RALGPS1: variants seen among roughly 807,000 people sequenced by gnomAD.
RALGPS1 encodes the protein Ral GEF with PH domain and SH3 binding motif 1, also known as ras-specific guanine nucleotide-releasing factor RalGPS1.
A neutral mutation model predicts 78.8 loss-of-function variants in RALGPS1; 19 were observed. The observed-to-expected ratio is 0.24, with a 90% CI of 0.17 to 0.35. The LOEUF is 0.35. Among genes scored for constraint, RALGPS1 ranks in the 10% least tolerant of loss-of-function variants. RALGPS1 has a pLI of 1.00. For missense variants in RALGPS1, 454 were observed against 688.3 expected, an observed-to-expected ratio of 0.66 and a Z score of 3.81; for synonymous variants, 228 against 256.3, an observed-to-expected ratio of 0.89 and a Z score of 1.06.
chr9:127,202,551 T>G (rs547350916), intron 14 of RALGPS1, among the ~76,000 whole-genome samples: 2 of 152,284 alleles, frequency 1.3e-5, no homozygotes, highest in Admixed American at 1.3e-4. Flanking sequence ...CTTCTGCTCT[T>G]CATCCTCCTG....
At chr9:127,049,492 T>A (rs909637493) in intron 5 of RALGPS1, among the ~76,000 whole-genome samples, 4 of 152,214 alleles carry the variant, frequency 2.6e-5, no homozygotes, top group African/African-American at 9.6e-5. Context: ...AAAGAGATAC[T>A]TCCATATCAT....
At chr9:126,987,772 C>T (rs1345249788) in intron 4 of RALGPS1, among the ~76,000 whole-genome samples, 3 of 152,166 alleles carry the variant, frequency 2.0e-5, no homozygotes, top group Non-Finnish European at 2.9e-5. Context: ...ACTCATTCAT[C>T]AGTCTACTGT....
chr9:127,130,650 C>T (rs1346976331), intron 8 of RALGPS1, among the ~76,000 whole-genome samples: 1 of 152,236 alleles, frequency 6.6e-6, no homozygotes, highest in Non-Finnish European at 1.5e-5. Flanking sequence ...CATGTATTGA[C>T]ATCCAAAAAT....
At chr9:127,082,299 G>T (rs1435975044) in intron 8 of RALGPS1, among the ~76,000 whole-genome samples, 1 of 152,214 alleles carries the variant, frequency 6.6e-6, no homozygotes, top group Admixed American at 6.5e-5. Flanking sequence ...GCTGCAGCCT[G>T]GCAAAGGATT....
chr9:127,166,237 T>A (rs1588278852), intron 9 of RALGPS1, 31 bp downstream of exon 9: 1 of 1,608,096 alleles, frequency 6.2e-7, no homozygotes, highest in East Asian at 2.2e-5. Flanking sequence ...AATTGTGAAA[T>A]CTTACGTCAT....
At chr9:127,170,241 A>G (rs1408942372) in intron 10 of RALGPS1, among the ~76,000 whole-genome samples, 1 of 152,176 alleles carries the variant, frequency 6.6e-6, no homozygotes, top group Non-Finnish European at 1.5e-5. Flanking sequence ...GCAGTGTCCC[A>G]CCTGGTCAGC....
intron 8 of RALGPS1, among the ~76,000 whole-genome samples, chr9:127,085,919 A>G (rs2051674712): frequency 6.6e-6 from 1 of 152,202 alleles, no homozygotes; most frequent in African/African-American, 2.4e-5. Context: ...GATCCCAACA[A>G]CTGACTAGGG....
chr9:126,965,487 G>A (rs2039390036), intron 2 of RALGPS1, among the ~76,000 whole-genome samples: 1 of 152,190 alleles, frequency 6.6e-6, no homozygotes, highest in Admixed American at 6.5e-5. Flanking sequence ...GAAAGTTAGG[G>A]TGTGGCAACT....
At chr9:126,998,976 T>C (rs1182781700) in intron 4 of RALGPS1, among the ~76,000 whole-genome samples, 2 of 125,446 alleles carry the variant, frequency 1.6e-5, no homozygotes, top group Non-Finnish European at 3.1e-5. Context: ...AATGAGAACA[T>C]GTGGACACAG....
intron 9 of RALGPS1, 96 bp downstream of exon 9, chr9:127,166,302 A>G (rs539263542): frequency 2.2e-5 from 31 of 1,419,056 alleles, no homozygotes; most frequent in African/African-American, 1.4e-4. Flanking sequence ...AAGAACTACA[A>G]AGTTCCTCAT....
At chr9:127,180,339 G>A (rs1327423589) in intron 11 of RALGPS1, among the ~76,000 whole-genome samples, 1 of 152,166 alleles carries the variant, frequency 6.6e-6, no homozygotes, top group Non-Finnish European at 1.5e-5. Context: ...TTGGCCTCTG[G>A]TTTCTGTGCT....
At chr9:127,176,176 A>G (rs2059862877) in intron 11 of RALGPS1, among the ~76,000 whole-genome samples, 1 of 152,240 alleles carries the variant, frequency 6.6e-6, no homozygotes, top group Non-Finnish European at 1.5e-5. Flanking sequence ...CAGTCCTGGC[A>G]GAAGCTTGAT....
At chr9:127,072,815 G>A (rs1248854810) in intron 8 of RALGPS1, among the ~76,000 whole-genome samples, 1 of 152,174 alleles carries the variant, frequency 6.6e-6, no homozygotes, top group Admixed American at 6.5e-5. Flanking sequence ...AACAGTTGTA[G>A]ATTCATTGTG....
At chr9:127,064,667 G>A (rs912219551) in intron 7 of RALGPS1, among the ~76,000 whole-genome samples, 3 of 152,100 alleles carry the variant, frequency 2.0e-5, no homozygotes, top group Non-Finnish European at 4.4e-5. Flanking sequence ...TTCTTTGTAT[G>A]GTAGATGTTG....
intron 6 of RALGPS1, among the ~76,000 whole-genome samples, chr9:127,051,135 G>A (rs1192025333): frequency 1.3e-5 from 2 of 152,194 alleles, no homozygotes; most frequent in African/African-American, 2.4e-5. Flanking sequence ...AAGAGCAATG[G>A]CCACATTTAC....
intron 4 of RALGPS1, among the ~76,000 whole-genome samples, chr9:127,000,617 C>T (rs1267998905): frequency 4.6e-5 from 6 of 131,380 alleles, no homozygotes; most frequent in African/African-American, 1.2e-4. Flanking sequence ...GGTACTATCT[C>T]GGCTCACTGC....
In RALGPS1 at chr9:127,069,119, C is replaced by T. The variant is rs1325836018; in HGVS notation, c.484-111C>T. 3.7e-6 allele frequency: 4 copies of T among 1,079,128 alleles called. No homozygotes were observed. The Admixed American group carries it at 1.0e-4, about 27-fold the overall frequency. 66.8% of individuals were successfully genotyped at this position (1,079,128 alleles called of 1,614,324 possible). A position where few individuals can be genotyped will look rare whatever the true frequency, so the allele number is the denominator to read the frequency against. On this transcript the variant is annotated intron_variant, in intron 7 of 18. Transcript: ENST00000259351. Reference sequence around the variant, plus strand: ...ATCCTTAGTTCTGTCCAGGATTCGGCACACCATAGATATGTCACTTAGGAT... The same window carrying T: ...ATCCTTAGTTCTGTCCAGGATTCGGTACACCATAGATATGTCACTTAGGAT...
At chr9:127,113,378 A>G (rs1364400770) in intron 8 of RALGPS1, among the ~76,000 whole-genome samples, 3 of 151,488 alleles carry the variant, frequency 2.0e-5, no homozygotes, top group African/African-American at 7.3e-5. Flanking sequence ...TCCAACCCCA[A>G]TTCCTCCCCT....
intron 14 of RALGPS1, among the ~76,000 whole-genome samples, chr9:127,203,886 C>A (rs2061784440): frequency 6.6e-6 from 1 of 152,172 alleles, no homozygotes; most frequent in African/African-American, 2.4e-5. Context: ...GTGAATCATG[C>A]ACCAGGCTGG....
Sources: allele counts gnomAD v4.1 joint callset (sites outside exome capture counted in the v4.1 genomes callset), GRCh38; gene constraint gnomAD v4.1.1; transcripts MANE v1.5; gene names NCBI Gene and HGNC (gene_info 2026-07-23, HGNC 2026-07-21).